Variants in MYO18B observed in about 807,000 individuals in gnomAD.
MYO18B encodes unconventional myosin-XVIIIb.
In MYO18B, 204 loss-of-function variants were observed where a neutral mutation model predicts 273.0. The observed-to-expected ratio is 0.75, with a 90% CI of 0.67 to 0.84. The LOEUF (loss-of-function observed/expected upper bound fraction) is 0.84, where lower values mean the gene tolerates loss of function less well. Among genes scored for constraint, MYO18B ranks in the 40% least tolerant of loss-of-function variants. MYO18B has a pLI of 0.00. For missense variants in MYO18B, 3,212 were observed against 3,287.6 expected (o/e 0.98, Z 0.56); for synonymous variants, 1,330 against 1,305.7 (o/e 1.02, Z -0.40).
At chr22:25,892,548 T>C (rs1397117950) in intron 27 of MYO18B, 1 of 152,204 alleles carries the variant, frequency 6.6e-6, no homozygotes, top group Non-Finnish European at 1.5e-5. Context: ...GGATATCCAG[T>C]GGGTCAGCTT....
chr22:25,971,832 A>G (rs1466791282), intron 39 of MYO18B, among the ~76,000 whole-genome samples: 1 of 152,254 alleles, frequency 6.6e-6, no homozygotes, highest in Non-Finnish European at 1.5e-5. Flanking sequence ...TGCATGTCAA[A>G]TCTAACAATC....
intron 40 of MYO18B, among the ~76,000 whole-genome samples, chr22:25,998,098 C>T (rs1256477681): frequency 1.3e-5 from 2 of 152,178 alleles, no homozygotes; most frequent in Non-Finnish European, 2.9e-5. Context: ...CATAACAGGC[C>T]TTCCAGGCTG....
At chr22:26,059,656 G>T in the MYO18B span, among the ~76,000 whole-genome samples, 2 of 152,178 alleles carry the variant, frequency 1.3e-5, no homozygotes, top group Non-Finnish European at 2.9e-5. Context: ...TGAACATGTT[G>T]CCACTGCCTC....
At chr22:25,944,416 C>T (rs2146573283) in intron 34 of MYO18B, among the ~76,000 whole-genome samples, 1 of 152,180 alleles carries the variant, frequency 6.6e-6, no homozygotes, top group East Asian at 1.9e-4. Context: ...GAATGTTTAC[C>T]TTAGGTGATT....
chr22:25,868,481 T>C, intron 22 of MYO18B, 96 bp downstream of exon 22: 1 of 1,039,634 alleles, frequency 9.6e-7, no homozygotes, highest in Non-Finnish European at 1.4e-6. Context: ...ATTATCTCTG[T>C]ACGTCTCCTT....
chr22:25,906,880 C>A (rs2092055859), intron 31 of MYO18B, among the ~76,000 whole-genome samples: 1 of 152,112 alleles, frequency 6.6e-6, no homozygotes, highest in East Asian at 1.9e-4. Flanking sequence ...GGAAACCACC[C>A]CCTGTGATCC....
chr22:25,855,126 G>T (rs187913109), intron 21 of MYO18B, among the ~76,000 whole-genome samples: 13 of 152,136 alleles, frequency 8.5e-5, no homozygotes, highest in Admixed American at 2.6e-4. Flanking sequence ...ACAGGCTCCA[G>T]TGTGTGTTGT....
At chr22:25,856,795 G>C (rs566160847) in intron 21 of MYO18B, among the ~76,000 whole-genome samples, 1 of 152,192 alleles carries the variant, frequency 6.6e-6, no homozygotes, top group Non-Finnish European at 1.5e-5. Context: ...CTGGGTTCTT[G>C]TTAGCCAAGT....
At chr22:25,867,619 A>ATTTCTTTCTTTC (rs143349723) in intron 21 of MYO18B, among the ~76,000 whole-genome samples, 2,835 of 150,774 alleles carry the variant, frequency 0.019, 42 homozygotes, top group Middle Eastern at 0.038. Context: ...CAAGACCCTG[A>ATTTCTTTCTTTC]TTTCTTTCTT....
At chr22:26,032,829 C>T (rs1936697833), downstream of MYO18B, among the ~76,000 whole-genome samples, 1 of 152,176 alleles carries the variant, frequency 6.6e-6, no homozygotes, top group Non-Finnish European at 1.5e-5. Context: ...CGTCTCCAAA[C>T]ACTGTCACAT....
intron 39 of MYO18B, among the ~76,000 whole-genome samples, chr22:25,961,161 A>G (rs2092914148): frequency 6.6e-6 from 1 of 151,618 alleles, no homozygotes; most frequent in Admixed American, 6.6e-5. Context: ...GTTCAAGATT[A>G]CGGTGAACTA....
At chr22:25,837,567 G>A (rs1308104444) in intron 17 of MYO18B, among the ~76,000 whole-genome samples, 1 of 152,218 alleles carries the variant, frequency 6.6e-6, no homozygotes. Flanking sequence ...ATTGGGAGAA[G>A]AGCCAACCAT....
chr22:25,745,015 A>C (rs2085735936), intron 1 of MYO18B, among the ~76,000 whole-genome samples: 1 of 152,152 alleles, frequency 6.6e-6, no homozygotes, highest in African/African-American at 2.4e-5. Context: ...TAATAGTCAA[A>C]TCCACCATAT....
chr22:25,928,341 G>A (rs1170272724), intron 34 of MYO18B, among the ~76,000 whole-genome samples: 3 of 146,528 alleles, frequency 2.0e-5, no homozygotes, highest in Non-Finnish European at 4.5e-5. Context: ...ACAGAGGGAG[G>A]TCTTTTTCTC....
At chr22:26,038,466 C>T in the MYO18B span, among the ~76,000 whole-genome samples, 1 of 152,138 alleles carries the variant, frequency 6.6e-6, no homozygotes, top group Non-Finnish European at 1.5e-5. Context: ...CCTGGAATCT[C>T]AATTGCTTCC....
intron 34 of MYO18B, among the ~76,000 whole-genome samples, chr22:25,929,195 A>G (rs879327461): frequency 6.6e-5 from 10 of 151,800 alleles, no homozygotes; most frequent in Non-Finnish European, 1.2e-4. Context: ...ATCTCAAAAT[A>G]TAACATAACA....
chr22:25,851,824 A>G (rs1217147052), intron 21 of MYO18B, among the ~76,000 whole-genome samples: 1 of 152,198 alleles, frequency 6.6e-6, no homozygotes, highest in Non-Finnish European at 1.5e-5. Flanking sequence ...GACCAGCTGG[A>G]ATCTGAAAGC....
At chr22:25,941,567 C>T (rs916434357) in intron 34 of MYO18B, among the ~76,000 whole-genome samples, 1 of 152,258 alleles carries the variant, frequency 6.6e-6, no homozygotes, top group Non-Finnish European at 1.5e-5. Context: ...ATCAGTCAAA[C>T]AGCCTCCGTA....
chr22:25,783,170 C>A (rs144618647), intron 10 of MYO18B, among the ~76,000 whole-genome samples: 19 of 152,188 alleles, frequency 1.2e-4, no homozygotes, highest in Admixed American at 9.2e-4. Flanking sequence ...TGCCTTGATA[C>A]CCCTGACAGG....
Sources: allele counts gnomAD v4.1 joint callset (sites outside exome capture counted in the v4.1 genomes callset), GRCh38; gene constraint gnomAD v4.1.1; transcripts MANE v1.5; gene names NCBI Gene and HGNC (gene_info 2026-07-23, HGNC 2026-07-21).